The following TNFSF13B variants were observed in gnomAD, a reference collection of about 807,000 sequenced individuals.
TNFSF13B encodes TNF superfamily member 13b.
Under a neutral mutation model 29.1 loss-of-function variants are expected in TNFSF13B, and 8 were observed. The ratio of observed to expected loss-of-function variants is 0.27; its 90% CI spans 0.16 to 0.50. The LOEUF (loss-of-function observed/expected upper bound fraction) is 0.50, where lower values mean the gene tolerates loss of function less well. Among genes scored for constraint, TNFSF13B ranks in the 20% least tolerant of loss-of-function variants. The pLI is 0.98. For synonymous variants in TNFSF13B, 125 were observed against 130.8 expected, an observed-to-expected ratio of 0.96 and a Z score of 0.30; for missense variants, 248 against 334.9, an observed-to-expected ratio of 0.74 and a Z score of 2.03.
chr13:108,306,517 A>C (rs547191743), intron 5 of TNFSF13B, among the ~76,000 whole-genome samples: 3 of 152,148 alleles, frequency 2.0e-5, no homozygotes, highest in South Asian at 4.1e-4. Context: ...TTAATATTCT[A>C]TCAAGGGATG....
At chr13:108,276,768 T>C (rs1880775497) in intron 2 of TNFSF13B, among the ~76,000 whole-genome samples, 1 of 152,026 alleles carries the variant, frequency 6.6e-6, no homozygotes, top group African/African-American at 2.4e-5. Context: ...TTTTGACTAT[T>C]TTTTTTAACA....
Position 108,270,362 on chromosome 13 carries a change from G to C in TNFSF13B, c.362G>C (p.Gly121Ala). ...TAGATCTTTGAACCACCAGCTCCAGGAGAAGGCAACTCCAGTCAGAACAGC... is the reference window on the plus strand; with the variant it reads ...TAGATCTTTGAACCACCAGCTCCAGCAGAAGGCAACTCCAGTCAGAACAGC... ...GLKIFEPPAPGEGNSSQNSRN... is the reference protein window; with the variant it reads ...GLKIFEPPAPAEGNSSQNSRN... The change falls in exon 2 of 6, where the codon GGA (glycine) becomes GCA (alanine). Residue 121 changes from glycine to alanine, a missense_variant. Around this residue, in one of 2 missense-constraint regions of TNFSF13B, gnomAD observed 186 missense variants for 196.3 expected, o/e 0.95. Transcript: ENST00000375887. 1 of 1,614,158 alleles carries C rather than the reference G, an allele frequency of 6.2e-7. No homozygotes were observed. Among genetic ancestry groups the C allele is most frequent in the East Asian group, 2.2e-5 (1 of 44,878 alleles).
intron 2 of TNFSF13B, among the ~76,000 whole-genome samples, chr13:108,272,638 C>A (rs1300773900): frequency 6.6e-6 from 1 of 151,796 alleles, no homozygotes; most frequent in East Asian, 1.9e-4. Context: ...GAAAAGCTTA[C>A]TGTGTTTTAT....
chr13:108,289,634 T>TTA (rs1881249742), intron 3 of TNFSF13B, among the ~76,000 whole-genome samples: 1 of 147,680 alleles, frequency 6.8e-6, no homozygotes, highest in African/African-American at 2.5e-5. Flanking sequence ...GGGAAAGAAT[T>TTA]TATATATATA....
In TNFSF13B at chr13:108,303,236, G is replaced by C; in HGVS notation, c.482-17G>C. 6.4e-7 allele frequency: 1 copy of C among 1,554,772 alleles called. No homozygotes were observed. Among genetic ancestry groups the C allele is most frequent in the Non-Finnish European group, 8.8e-7 (1 of 1,140,800 alleles). On this transcript the variant is annotated splice_polypyrimidine_tract_variant and intron_variant, in intron 3 of 5. Coordinates refer to ENST00000375887, the MANE Select transcript of TNFSF13B (RefSeq NM_006573.5). The stretch of plus-strand genomic sequence containing the variant: ...TTTCTTGGTTTCTTTCCTTATAAAT[G>C]ATTCTCTTCATTGCAGGATCTTACA...
intron 2 of TNFSF13B, among the ~76,000 whole-genome samples, chr13:108,283,367 C>A (rs989248977): frequency 1.3e-5 from 2 of 152,188 alleles, no homozygotes; most frequent in Non-Finnish European, 2.9e-5. Context: ...TAATTTAAAC[C>A]TCATTATTGA....
At chr13:108,287,361 G>A (rs1336579782) in intron 3 of TNFSF13B, among the ~76,000 whole-genome samples, 1 of 152,072 alleles carries the variant, frequency 6.6e-6, no homozygotes, top group Non-Finnish European at 1.5e-5. Context: ...GACTGTATTT[G>A]AATTGCATGT....
At chr13:108,274,098 T>A (rs1880694049) in intron 2 of TNFSF13B, among the ~76,000 whole-genome samples, 1 of 152,146 alleles carries the variant, frequency 6.6e-6, no homozygotes, top group African/African-American at 2.4e-5. Context: ...ATACACTACA[T>A]AATACATATA....
At chr13:108,278,979 T>C (rs994646633) in intron 2 of TNFSF13B, among the ~76,000 whole-genome samples, 3 of 152,214 alleles carry the variant, frequency 2.0e-5, no homozygotes, top group African/African-American at 7.2e-5. Context: ...TAAGGTTTTC[T>C]CTTGAGGAAA....
intron 2 of TNFSF13B, among the ~76,000 whole-genome samples, chr13:108,282,820 T>A (rs1396426197): frequency 6.6e-6 from 1 of 152,190 alleles, no homozygotes; most frequent in Admixed American, 6.5e-5. Flanking sequence ...TTTTAATGTA[T>A]ATTATTGCCT....
chr13:108,303,316 A>C lies in TNFSF13B; in HGVS notation c.545A>C (p.Glu182Ala). The C allele has an allele frequency of 1.2e-6, 2 of 1,613,600 alleles. No individual in the cohort carries two copies. The highest frequency in any genetic ancestry group is 2.2e-5 in the South Asian group (2 of 91,048). Residue 182 changes from glutamate to alanine, a missense_variant, in exon 4 of 6, where the codon GAG becomes GCG. Physicochemically the swap from Glu to Ala is moderately radical, Grantham distance 107 (BLOSUM62 -1). Transcript: ENST00000375887. ...FKRGSALEEK[E>A]NKILVKETGY... ...AGGGGAAGTGCCCTAGAAGAAAAAG[A>C]GAATAAAATATTGGTCAAAGAAACT... is the stretch of plus-strand genomic sequence containing the variant.
chr13:108,301,681 A>G lies in TNFSF13B; in HGVS notation c.482-1572A>G, dbSNP rs547062941. ...GAAAAGACGTTGGTCAAAGATTACG[A>G]AATTTCAGTTAGACTGGAGGAATAC... On this transcript the variant is annotated intron_variant, in intron 3 of 5. Transcript: ENST00000375887. Among the ~76,000 whole-genome samples, 8 of 152,282 alleles carry G rather than the reference A, an allele frequency of 5.3e-5. No homozygotes were observed. The South Asian group carries it at 1.7e-3, about 32-fold the overall frequency.
chr13:108,305,838 G>T (rs905437853), intron 5 of TNFSF13B, among the ~76,000 whole-genome samples: 6 of 152,142 alleles, frequency 3.9e-5, no homozygotes, highest in African/African-American at 1.2e-4. Flanking sequence ...CCCCCTGGCT[G>T]CTGCCTGAGC....
At chr13:108,286,650 A>T (rs1204418195) in intron 2 of TNFSF13B, among the ~76,000 whole-genome samples, 153 bp from the exon 3 acceptor site, 1 of 152,126 alleles carries the variant, frequency 6.6e-6, no homozygotes, top group Non-Finnish European at 1.5e-5. Context: ...TCAATGGGCA[A>T]ATATAAAGTA....
At chr13:108,303,064 A>G (rs1329487253) in intron 3 of TNFSF13B, among the ~76,000 whole-genome samples, 189 bp from the exon 4 acceptor site, 2 of 152,216 alleles carry the variant, frequency 1.3e-5, no homozygotes, top group Non-Finnish European at 2.9e-5. Context: ...AGGTTAACAT[A>G]TAAGTGATGG....
At chr13:108,299,774 G>A (rs555346857) in intron 3 of TNFSF13B, among the ~76,000 whole-genome samples, 6 of 152,114 alleles carry the variant, frequency 3.9e-5, no homozygotes, top group African/African-American at 1.2e-4. Context: ...GTGGATGTGC[G>A]TATGTGTGTG....
Position 108,269,825 on chromosome 13 carries a change from T to A in TNFSF13B, c.-71T>A. The A allele has an allele frequency of 7.3e-7, 1 of 1,372,804 alleles. No individual in the cohort carries two copies. The highest frequency in any genetic ancestry group is 1.3e-5 in the South Asian group (1 of 74,902). The allele number at this position is 1,372,804 out of a possible 1,614,324, so 85.0% of individuals were successfully genotyped here. On this transcript the variant is annotated 5_prime_UTR_variant, in exon 1 of 6. Coordinates refer to ENST00000375887, the MANE Select transcript of TNFSF13B (RefSeq NM_006573.5). ...CACGCAGGACATCAACAAACACAGA[T>A]AACAGGAAATGATCCATTCCCTGTG...
rs114944997 is a variant in TNFSF13B, at chr13:108,292,795, A to G, written c.481+5936A>G. 4.3e-3 allele frequency among the ~76,000 whole-genome samples: 658 copies of G among 152,232 alleles called. 11 individuals are homozygous for G. Among genetic ancestry groups the G allele is most frequent in the African/African-American group, 0.015 (639 of 41,566 alleles). On this transcript the variant is annotated intron_variant, in intron 3 of 5. Coordinates refer to ENST00000375887, the MANE Select transcript of TNFSF13B (RefSeq NM_006573.5). Reference sequence around the variant, plus strand: ...GTTTGTCTTTTTGTTGTTGAGTTGTAAAACTTCCTTATATATTATGGATAC... The same window carrying G: ...GTTTGTCTTTTTGTTGTTGAGTTGTGAAACTTCCTTATATATTATGGATAC...
chr13:108,272,052 G>T (rs529868454), intron 2 of TNFSF13B, among the ~76,000 whole-genome samples: 1 of 152,032 alleles, frequency 6.6e-6, no homozygotes, highest in African/African-American at 2.4e-5. Flanking sequence ...GTGGTGTACC[G>T]GTTCTCCACA....
Sources: allele counts gnomAD v4.1 joint callset (sites outside exome capture counted in the v4.1 genomes callset), GRCh38; gene constraint gnomAD v4.1.1; regional missense constraint gnomAD v4.1.1; transcripts MANE v1.5; gene names NCBI Gene and HGNC (gene_info 2026-07-23, HGNC 2026-07-21).